Variants in AHDC1 observed in about 807,000 individuals in gnomAD.
The protein encoded by AHDC1 is transcription factor Gibbin.
Under a neutral mutation model 87.9 loss-of-function variants are expected in AHDC1, and 7 were observed. The ratio of observed to expected loss-of-function variants is 0.08; its 90% CI spans 0.05 to 0.15. The LOEUF (loss-of-function observed/expected upper bound fraction) is 0.15, where lower values mean the gene tolerates loss of function less well. Ranked by LOEUF, AHDC1 falls within the 10% of genes least tolerant of loss-of-function variation. The pLI is 1.00. For missense variants in AHDC1, 1,841 were observed against 2,253.2 expected (o/e 0.82, Z 3.70); for synonymous variants, 1,051 against 1,006.8 (o/e 1.04, Z -0.83).
Position 27,563,251 on chromosome 1 carries a change from G to A in AHDC1, c.-628-4368C>T, listed in dbSNP as rs2020178447. ...CCAAGACACACACACACGCACGCATGCATGCACACACCCACACAAAGAACC... is the reference window on the plus strand; with the variant it reads ...CCAAGACACACACACACGCACGCATACATGCACACACCCACACAAAGAACC... On this transcript the variant is annotated intron_variant, in intron 3 of 8. Coordinates refer to ENST00000673934, the MANE Select transcript of AHDC1 (RefSeq NM_001371928.1). The surrounding 1 kb of genome is among the most constrained non-coding windows in gnomAD (Gnocchi z 6.1). Among the ~76,000 whole-genome samples, 1 of 142,894 alleles carries A rather than the reference G, an allele frequency of 7.0e-6. No homozygotes were observed. The highest frequency in any genetic ancestry group is 2.6e-5 in the African/African-American group (1 of 37,750). 93.7% of individuals were successfully genotyped at this position (142,894 alleles called of 152,430 possible). A position where few individuals can be genotyped will look rare whatever the true frequency, so the allele number is the denominator to read the frequency against.
rs1413432473 is a variant in AHDC1, at chr1:27,565,195, G to T, written c.-628-6312C>A. Among the ~76,000 whole-genome samples the T allele has an allele frequency of 9.9e-5, 15 of 152,084 alleles. No homozygotes were observed. Among genetic ancestry groups the T allele is most frequent in the Admixed American group, 8.5e-4 (13 of 15,280 alleles). ...TTGTTCCCCCCACCCACCCGCCGAG[G>T]GGGCCCAGCATGCCTTGCGTGCAAC... is the stretch of plus-strand genomic sequence containing the variant. On this transcript the variant is annotated intron_variant, in intron 3 of 8. Coordinates refer to ENST00000673934, the MANE Select transcript of AHDC1 (RefSeq NM_001371928.1). This position sits in a 1 kb window ranked among gnomAD's most constrained non-coding sequence, Gnocchi z 4.6.
chr1:27,545,493 G>A (rs1376294443), intron 8 of AHDC1, among the ~76,000 whole-genome samples: 1 of 151,848 alleles, frequency 6.6e-6, no homozygotes, highest in African/African-American at 2.4e-5. Context: ...CAAACACCCA[G>A]CCCCCACACC....
chr1:27,564,544 AAG>A (rs2020237994), intron 3 of AHDC1, among the ~76,000 whole-genome samples: 1 of 152,166 alleles, frequency 6.6e-6, no homozygotes, highest in Non-Finnish European at 1.5e-5. Flanking sequence ...GAAATAGACT[AAG>A]AGACTTGCCC....
Position 27,579,739 on chromosome 1 carries a change from ACTGT to A in AHDC1, c.-628-20860_-628-20857del, listed in dbSNP as rs1266192556. Among the ~76,000 whole-genome samples the A allele has an allele frequency of 2.0e-5, 3 of 152,216 alleles. No homozygotes were observed. In the East Asian group the frequency reaches 5.8e-4, roughly 29 times the overall value. Reference sequence around the variant, plus strand: ...CACAGCCATGCTCATTCGCTTATGCACTGTCTATGACTGCTTTCAAGGTGCAATG... The same window carrying A: ...CACAGCCATGCTCATTCGCTTATGCACTATGACTGCTTTCAAGGTGCAATG... On this transcript the variant is annotated intron_variant, in intron 3 of 8. Coordinates refer to ENST00000673934, the MANE Select transcript of AHDC1 (RefSeq NM_001371928.1).
chr1:27,579,103 G>A lies in AHDC1; in HGVS notation c.-628-20220C>T, dbSNP rs1264748069. Among the ~76,000 whole-genome samples, 5 of 150,838 alleles carry A rather than the reference G, an allele frequency of 3.3e-5. No individual in the cohort carries two copies. The South Asian group carries it at 6.3e-4, about 19-fold the overall frequency. ...TTTGTCACTCAGGCTAGAGTGCAGCGGTATAATCACAGCTCACTGCAGCCT... is the reference window on the plus strand; with the variant it reads ...TTTGTCACTCAGGCTAGAGTGCAGCAGTATAATCACAGCTCACTGCAGCCT... On this transcript the variant is annotated intron_variant, in intron 3 of 8. Coordinates refer to ENST00000673934, the MANE Select transcript of AHDC1 (RefSeq NM_001371928.1).
chr1:27,602,134 G>A lies in AHDC1; in HGVS notation c.-629+1263C>T, dbSNP rs536560244. On this transcript the variant is annotated intron_variant, in intron 3 of 8. Transcript: ENST00000673934. ...GCCCTGCCAGTCAGGCACTGGTGCA[G>A]AACCGAGGGCACCAGGCTCAGCCCC... Among the ~76,000 whole-genome samples the A allele has an allele frequency of 7.9e-5, 12 of 152,244 alleles. No individual in the cohort carries two copies. The South Asian group carries it at 2.5e-3, about 32-fold the overall frequency.
chr1:27,575,746 C>G (rs2088708903), intron 3 of AHDC1, among the ~76,000 whole-genome samples: 1 of 151,842 alleles, frequency 6.6e-6, no homozygotes, highest in Non-Finnish European at 1.5e-5. Context: ...CCGGCCGCCC[C>G]TTCCCGCGCC....
At chr1:27,557,406 C>T (rs1181596525) in intron 5 of AHDC1, among the ~76,000 whole-genome samples, 1 of 151,740 alleles carries the variant, frequency 6.6e-6, no homozygotes, top group Non-Finnish European at 1.5e-5. Context: ...CCAGAGAGCT[C>T]CTTGTTCCAC....
intron 8 of AHDC1, among the ~76,000 whole-genome samples, chr1:27,546,616 C>A (rs569778885): frequency 6.6e-6 from 1 of 152,348 alleles, no homozygotes; most frequent in South Asian, 2.1e-4. Context: ...CCTAGCCTAT[C>A]TCAGACCAAA....
chr1:27,560,242 TTGTG>T lies in AHDC1; in HGVS notation c.-628-1363_-628-1360del, dbSNP rs1227222669. Reference sequence around the variant, plus strand: ...TGTGTGTGAGTCTAGCTAAGCCTGTTTGTGTGTGAGGACACAGGGGTGCATGTGT... The same window carrying T: ...TGTGTGTGAGTCTAGCTAAGCCTGTTTGTGAGGACACAGGGGTGCATGTGT... On this transcript the variant is annotated intron_variant, in intron 3 of 8. Transcript: ENST00000673934. The surrounding 1 kb of genome is among the most constrained non-coding windows in gnomAD (Gnocchi z 4.1). Among the ~76,000 whole-genome samples, 1 of 151,342 alleles carries T rather than the reference TTGTG, an allele frequency of 6.6e-6. No individual in the cohort carries two copies. The highest frequency in any genetic ancestry group is 1.5e-5 in the Non-Finnish European group (1 of 67,816).
Position 27,547,290 on chromosome 1 carries a change from C to T in AHDC1, c.*14G>A, listed in dbSNP as rs1191265782. The T allele has an allele frequency of 1.3e-6, 2 of 1,519,642 alleles. No homozygotes were observed. Among genetic ancestry groups the T allele is most frequent in the African/African-American group, 1.4e-5 (1 of 71,894 alleles). 94.1% of individuals were successfully genotyped at this position (1,519,642 alleles called of 1,614,324 possible). On this transcript the variant is annotated 3_prime_UTR_variant, in exon 8 of 9. Coordinates refer to ENST00000673934, the MANE Select transcript of AHDC1 (RefSeq NM_001371928.1). The surrounding 1 kb of genome is among the most constrained non-coding windows in gnomAD (Gnocchi z 4.9). ...GAACAAAACCTCGCGGTCCAGTCGG[C>T]ACTTCAGTTGGCACTACAGGGATGT...
rs2019440436 is a variant in AHDC1 at position 27,549,987 on chromosome 1, G to A, written c.2129C>T (p.Ala710Val). 1.2e-6 allele frequency: 2 copies of A among 1,602,778 alleles called. No homozygotes were observed. The highest frequency in any genetic ancestry group is 1.7e-5 in the Admixed American group (1 of 59,092). Reference protein sequence around the residue: ...KKKKVVAVAAAGVGGPGLTEL... With the variant: ...KKKKVVAVAAVGVGGPGLTEL... ...AGTAAGGCCCGGGCCCCCGACCCCA[G>A]CGGCTGCCACGGCCACCACCTTCTT... The change falls in exon 8 of 9, where the codon GCT becomes GTT. Residue 710 changes from alanine (A) to valine (V), a missense_variant. By Grantham distance (64) the Ala-to-Val change is moderately conservative. Transcript: ENST00000673934.
At position 27,593,113 on chromosome 1, in the gene AHDC1, C is replaced by T. The variant is rs1167407277; in HGVS notation, c.-629+10284G>A. Among the ~76,000 whole-genome samples, 2 of 151,988 alleles carry T rather than the reference C, an allele frequency of 1.3e-5. No homozygotes were observed. Among genetic ancestry groups the T allele is most frequent in the Non-Finnish European group, 2.9e-5 (2 of 67,960 alleles). On this transcript the variant is annotated intron_variant, in intron 3 of 8. Transcript: ENST00000673934. The surrounding 1 kb of genome is among the most constrained non-coding windows in gnomAD (Gnocchi z 4.9). ...CCAGGGGACACAGGCCTCGGTGGAA[C>T]GGAGTAGACACGGTGTCTCCTCAGG...
intron 3 of AHDC1, among the ~76,000 whole-genome samples, chr1:27,572,700 G>A (rs546965117): frequency 5.9e-5 from 9 of 152,350 alleles, no homozygotes; most frequent in South Asian, 2.1e-4. Flanking sequence ...GACTCCAGCC[G>A]CTTCCCCAGG....
In AHDC1 at chr1:27,550,034, G is replaced by T. The variant is rs373129625; in HGVS notation, c.2082C>A (p.Phe694Leu). 2.6e-5 allele frequency: 42 copies of T among 1,601,852 alleles called. No individual in the cohort carries two copies. The highest frequency in any genetic ancestry group is 2.6e-6 in the Non-Finnish European group (3 of 1,172,194). Residue 694 changes from phenylalanine to leucine, a missense_variant, in exon 8 of 9, where the codon TTC (phenylalanine) becomes TTA (leucine). Phe to Leu is a conservative substitution (Grantham distance 22). Transcript: ENST00000673934. ...AKSARCSFSD[F>L]FEGIGKKKKV... Reference sequence around the variant, plus strand: ...TCTTTTTCTTGCCGATGCCCTCAAAGAAGTCACTGAAGGAGCATCGGGCTG... The same window carrying T: ...TCTTTTTCTTGCCGATGCCCTCAAATAAGTCACTGAAGGAGCATCGGGCTG...
chr1:27,544,404 T>C (rs1388415974), intron 8 of AHDC1, among the ~76,000 whole-genome samples: 2 of 152,190 alleles, frequency 1.3e-5, no homozygotes, highest in African/African-American at 4.8e-5. Flanking sequence ...TGTTTTAGTT[T>C]CCTGGGGTGG....
At chr1:27,576,938 G>A (rs1015836882) in intron 3 of AHDC1, among the ~76,000 whole-genome samples, 1 of 152,124 alleles carries the variant, frequency 6.6e-6, no homozygotes, top group African/African-American at 2.4e-5. Context: ...GTGCATCCCA[G>A]TGCTCACCGC....
At chr1:27,572,346 G>GC (rs1387293024) in intron 3 of AHDC1, among the ~76,000 whole-genome samples, 2 of 152,060 alleles carry the variant, frequency 1.3e-5, no homozygotes, top group African/African-American at 2.4e-5. Context: ...GTGTCCTGGG[G>GC]CCCCCCTCTG....
At chr1:27,541,298 C>G (rs949400140) in intron 8 of AHDC1, among the ~76,000 whole-genome samples, 2 of 152,108 alleles carry the variant, frequency 1.3e-5, no homozygotes, top group East Asian at 1.9e-4. Flanking sequence ...GAGTGATGCT[C>G]ATGTGGAGGA....
Sources: gnomAD v4.1 joint callset for allele counts (sites outside exome capture counted in the v4.1 genomes callset) on GRCh38, gnomAD v4.1.1 for gene constraint, Gnocchi (gnomAD v3.1) non-coding constraint, MANE v1.5 for transcripts, NCBI Gene and HGNC (gene_info 2026-07-23, HGNC 2026-07-21) for gene names.